Variants in PODN observed in about 807,000 individuals in gnomAD.
PODN encodes the protein podocan.
PODN carries 40 observed loss-of-function variants against 52.7 expected under a neutral mutation model. The ratio of observed to expected loss-of-function variants is 0.76; its 90% CI spans 0.59 to 0.99. The LOEUF (loss-of-function observed/expected upper bound fraction) is 0.99. PODN is among the 50% of genes least tolerant of loss of function. The pLI is 0.00. For missense variants in PODN, 720 were observed against 815.1 expected (o/e 0.88, Z 1.42); for synonymous variants, 396 against 377.9 (o/e 1.05, Z -0.56).
chr1:53,083,959 G>A (rs547190662), intron 10 of PODN, among the ~76,000 whole-genome samples: 4 of 152,302 alleles, frequency 2.6e-5, no homozygotes, highest in African/African-American at 7.2e-5. Flanking sequence ...GGGACGAAGA[G>A]GAACCAGAGG....
chr1:53,076,710 A>G (rs1199540206), intron 5 of PODN, among the ~76,000 whole-genome samples: 2 of 151,382 alleles, frequency 1.3e-5, no homozygotes, highest in Admixed American at 6.6e-5. Flanking sequence ...TACATAATAT[A>G]TTAACTATAT....
chr1:53,076,474 G>C (rs1644196330), intron 5 of PODN, among the ~76,000 whole-genome samples: 1 of 152,072 alleles, frequency 6.6e-6, no homozygotes, highest in African/African-American at 2.4e-5. Context: ...ACAGACAGAG[G>C]CTCAAGACGG....
chr1:53,068,088 A>G (rs1644059002), intron 1 of PODN, among the ~76,000 whole-genome samples: 1 of 152,130 alleles, frequency 6.6e-6, no homozygotes, highest in African/African-American at 2.4e-5. Flanking sequence ...AGCACTTACT[A>G]TGTGCAGTAC....
chr1:53,075,724 G>T, intron 4 of PODN, 138 bp from the exon 5 acceptor site: 1 of 692,632 alleles, frequency 1.4e-6, no homozygotes. Context: ...GAGGGGGTGG[G>T]ACAAGTTTCA....
chr1:53,084,628 C>T lies in PODN; in HGVS notation c.*143C>T, dbSNP rs566709595. On this transcript the variant is annotated 3_prime_UTR_variant, in exon 11 of 11. Transcript: ENST00000312553. Reference sequence around the variant, plus strand: ...CACACATGAGGCATCCCACATGACACGGGCTGACACAGTCTCATATCCCCA... The same window carrying T: ...CACACATGAGGCATCCCACATGACATGGGCTGACACAGTCTCATATCCCCA... The T allele has an allele frequency of 1.3e-3, 191 of 152,660 alleles. 4 individuals carry two copies. The South Asian group carries it at 0.015, about 12-fold the overall frequency. The allele number at this position is 152,660 out of a possible 1,614,324, so 9.5% of individuals were successfully genotyped here. A position where few individuals can be genotyped will look rare whatever the true frequency, so the allele number is the denominator to read the frequency against.
intron 1 of PODN, among the ~76,000 whole-genome samples, 164 bp from the exon 2 acceptor site, chr1:53,069,637 C>G (rs1266041656): frequency 6.6e-6 from 1 of 152,262 alleles, no homozygotes; most frequent in East Asian, 1.9e-4. Context: ...TTACCTCGTC[C>G]CCCGCCTCTG....
rs1644207042 is a variant in PODN at position 53,077,210 on chromosome 1, A to G, written c.602A>G (p.Asn201Ser). The G allele has an allele frequency of 8.1e-6, 13 of 1,613,262 alleles. No individual in the cohort carries two copies. The highest frequency in any genetic ancestry group is 1.3e-5 in the African/African-American group (1 of 74,944). The change falls in exon 6 of 11, where the codon AAC becomes AGC. Residue 201 changes from asparagine (N) to serine (S), a missense_variant. Asn to Ser is a conservative substitution (Grantham distance 46, BLOSUM62 1). Transcript: ENST00000312553. ...CCCAGGTCTGTGTACCTGCACAACA[A>G]CAAGCTGGCAGACGCCGGGCTGCCG... is the stretch of plus-strand genomic sequence containing the variant. ...PNLRSVYLHN[N>S]KLADAGLPDN...
intron 3 of PODN, among the ~76,000 whole-genome samples, chr1:53,072,559 C>T (rs17107843): frequency 0.028 from 4,264 of 152,178 alleles, 94 homozygotes; most frequent in Middle Eastern, 0.075. Context: ...ACTGGGAGTA[C>T]GTCAGGGTTG....
chr1:53,066,446 T>A (rs1644034801), intron 1 of PODN, among the ~76,000 whole-genome samples: 1 of 152,212 alleles, frequency 6.6e-6, no homozygotes, highest in South Asian at 2.1e-4. Context: ...TTGTACGACA[T>A]CTTTGAGATC....
chr1:53,079,064 G>A (rs749664366), intron 8 of PODN, 42 bp downstream of exon 8: 34 of 1,473,420 alleles, frequency 2.3e-5, no homozygotes, highest in Non-Finnish European at 3.1e-5. Flanking sequence ...CATGGAGGGG[G>A]GTACTGGCAT....
chr1:53,069,730 C>T, intron 1 of PODN, 71 bp from the exon 2 acceptor site: 3 of 1,506,934 alleles, frequency 2.0e-6, no homozygotes. Context: ...CCAGAGTGGG[C>T]CCTGCTTTGT....
At chr1:53,080,007 A>C (rs1165432526) in intron 8 of PODN, among the ~76,000 whole-genome samples, 8 of 151,142 alleles carry the variant, frequency 5.3e-5, no homozygotes, top group Non-Finnish European at 1.0e-4. Context: ...ATTAAAAAAA[A>C]AAAAAAAAAA....
At position 53,080,892 on chromosome 1, in the gene PODN, C is replaced by A. The variant is rs768395304; in HGVS notation, c.1661+16C>A. ...TCTTTCTCAGGTAGGAGCCCACTCGCGGCCCTGTACACACCCCCGTGGGGC... is the reference window on the plus strand; with the variant it reads ...TCTTTCTCAGGTAGGAGCCCACTCGAGGCCCTGTACACACCCCCGTGGGGC... On this transcript the variant is annotated intron_variant, in intron 9 of 10. Coordinates refer to ENST00000312553, the MANE Select transcript of PODN (RefSeq NM_153703.5). The A allele has an allele frequency of 3.0e-5, 48 of 1,613,144 alleles. No homozygotes were observed. Among genetic ancestry groups the A allele is most frequent in the Non-Finnish European group, 3.7e-5 (44 of 1,179,784 alleles).
At chr1:53,063,238 C>A in intron 1 of PODN, 1 of 478,794 alleles carries the variant, frequency 2.1e-6, no homozygotes, top group Non-Finnish European at 2.7e-6. Flanking sequence ...GCAGGCGCGG[C>A]AGCAAGGGGC....
chr1:53,069,702 C>A, intron 1 of PODN, 99 bp from the exon 2 acceptor site: 1 of 1,456,590 alleles, frequency 6.9e-7, no homozygotes, highest in Non-Finnish European at 9.1e-7. Flanking sequence ...CAGTCATCGG[C>A]TGGGCTCTGA....
intron 5 of PODN, 48 bp downstream of exon 5, chr1:53,076,019 G>A: frequency 6.9e-7 from 1 of 1,444,052 alleles, no homozygotes; most frequent in Non-Finnish European, 9.5e-7. Flanking sequence ...AAGGGGAGGG[G>A]CTGAGGTGGA....
chr1:53,085,092 C>T lies in PODN; in HGVS notation c.*607C>T, dbSNP rs1010640956. The stretch of plus-strand genomic sequence containing the variant: ...GAACTCACAAAAGCTGGCTTTTATT[C>T]CTTTCCCATCCTATGGGGACAGGAG... On this transcript the variant is annotated 3_prime_UTR_variant, in exon 11 of 11. Transcript: ENST00000312553. 1 of 152,296 alleles carries T rather than the reference C, an allele frequency of 6.6e-6. No homozygotes were observed. The highest frequency in any genetic ancestry group is 2.1e-4 in the South Asian group (1 of 4,834). The allele number at this position is 152,296 out of a possible 1,614,324, so 9.4% of individuals were successfully genotyped here. A position where few individuals can be genotyped will look rare whatever the true frequency, so the allele number is the denominator to read the frequency against.
rs956251177 is a variant in PODN, at chr1:53,069,987, A to G, written c.132A>G (p.Glu44=). Residue 44 remains glutamate (E), a synonymous_variant, in exon 2 of 11, where the codon GAA becomes GAG. Transcript: ENST00000312553. ...ACAGCCTGAGCCCCGAAGAGAACGA[A>G]TTTGCGGAGGAGGAGCCGGTGCTGG... is the stretch of plus-strand genomic sequence containing the variant. ...GGHSLSPEEN[E]FAEEEPVLVL... is the part of the protein sequence containing the mutation. 15 of 1,611,686 alleles carry G rather than the reference A, an allele frequency of 9.3e-6. No homozygotes were observed. The highest frequency in any genetic ancestry group is 2.2e-5 in the South Asian group (2 of 90,896).
chr1:53,063,345 T>G, intron 1 of PODN: 3 of 985,744 alleles, frequency 3.0e-6, no homozygotes, highest in Non-Finnish European at 3.6e-6. Context: ...CTGACCTGTC[T>G]GCCCTTCGAT....
Sources: gnomAD v4.1 joint callset for allele counts (sites outside exome capture counted in the v4.1 genomes callset) on GRCh38, gnomAD v4.1.1 for gene constraint, MANE v1.5 for transcripts, NCBI Gene and HGNC (gene_info 2026-07-23, HGNC 2026-07-21) for gene names.